Variants in NBEA observed in about 807,000 individuals in gnomAD.
NBEA encodes the protein lysosomal-trafficking regulator 2.
NBEA carries 44 observed loss-of-function variants against 343.4 expected under a neutral mutation model. The observed-to-expected ratio is 0.13, with a 90% confidence interval of 0.10 to 0.16. The LOEUF (loss-of-function observed/expected upper bound fraction) is 0.16, where lower values mean the gene tolerates loss of function less well. Among genes scored for constraint, NBEA ranks in the 10% least tolerant of loss-of-function variants. The probability of loss-of-function intolerance (pLI) is 1.00; values close to 1 mark genes in which losing one functional copy is unlikely to be tolerated. For missense variants in NBEA, 2,555 were observed against 3,631.3 expected (o/e 0.70, Z 7.62); for synonymous variants, 1,175 against 1,238.7 (o/e 0.95, Z 1.08).
chr13:35,232,719 G>A (rs773870361), intron 34 of NBEA, 100 bp downstream of exon 34: 84 of 908,148 alleles, frequency 9.2e-5, no homozygotes, highest in Non-Finnish European at 1.2e-4. Flanking sequence ...CCAAAAGAAT[G>A]TAAAGGCATT....
chr13:35,412,687 TC>T (rs1295570152), intron 38 of NBEA, among the ~76,000 whole-genome samples: 9 of 152,128 alleles, frequency 5.9e-5, no homozygotes, highest in Admixed American at 5.9e-4. Flanking sequence ...TCACTGTTTA[TC>T]CAGAGTATTT....
chr13:35,423,775 C>T (rs528211104), intron 38 of NBEA, among the ~76,000 whole-genome samples: 5 of 152,032 alleles, frequency 3.3e-5, no homozygotes, highest in Non-Finnish European at 7.4e-5. Context: ...GTTCTTCCTA[C>T]CCATGAGCAT....
chr13:35,390,569 A>G (rs1395317319), intron 38 of NBEA, among the ~76,000 whole-genome samples: 1 of 152,172 alleles, frequency 6.6e-6, no homozygotes, highest in Admixed American at 6.5e-5. Flanking sequence ...TAGAAGACTC[A>G]AGTTCATCCA....
At chr13:35,142,234 T>C (rs2068132681) in intron 17 of NBEA, 35 bp from the exon 18 acceptor site, 1 of 1,385,984 alleles carries the variant, frequency 7.2e-7, no homozygotes, top group African/African-American at 1.4e-5. Context: ...ATCCAATGTG[T>C]TTCATGGTGT....
intron 47 of NBEA, 70 bp from the exon 48 acceptor site, chr13:35,606,356 A>G (rs2082280538): frequency 1.2e-6 from 1 of 821,398 alleles, no homozygotes; most frequent in African/African-American, 1.8e-5. Context: ...TTAATAAGTT[A>G]TAAGTTAATA....
chr13:34,995,459 C>T (rs2060907456), intron 1 of NBEA, among the ~76,000 whole-genome samples: 1 of 151,520 alleles, frequency 6.6e-6, no homozygotes, highest in Non-Finnish European at 1.5e-5. Flanking sequence ...GCATGTTTAA[C>T]TTTATCAGAG....
At chr13:35,290,726 A>G (rs531054763) in intron 35 of NBEA, among the ~76,000 whole-genome samples, 1 of 151,056 alleles carries the variant, frequency 6.6e-6, no homozygotes, top group Admixed American at 6.6e-5. Context: ...TATCATATAT[A>G]TGTATATAAA....
intron 43 of NBEA, among the ~76,000 whole-genome samples, chr13:35,554,608 A>T (rs2153016522): frequency 6.6e-6 from 1 of 152,374 alleles, no homozygotes; most frequent in East Asian, 1.9e-4. Context: ...AAATGCATGT[A>T]AACAGGTACC....
chr13:35,646,031 A>G (rs1224021693), intron 50 of NBEA, 100 bp downstream of exon 50: 2 of 810,432 alleles, frequency 2.5e-6, no homozygotes. Flanking sequence ...AGCTTCTGGG[A>G]ATAAGAATAG....
chr13:35,286,300 C>A (rs1304700966), intron 34 of NBEA, among the ~76,000 whole-genome samples: 1 of 152,046 alleles, frequency 6.6e-6, no homozygotes, highest in Admixed American at 6.6e-5. Flanking sequence ...TTTTTCTCTA[C>A]AGTTGATAGT....
At chr13:35,016,745 G>A (rs1489492307) in intron 1 of NBEA, among the ~76,000 whole-genome samples, 2 of 152,178 alleles carry the variant, frequency 1.3e-5, no homozygotes, top group Admixed American at 1.3e-4. Context: ...TTTAGGTAGT[G>A]TAGTCAGTGA....
intron 34 of NBEA, among the ~76,000 whole-genome samples, chr13:35,265,164 A>G (rs1479905797): frequency 6.6e-6 from 1 of 151,920 alleles, no homozygotes; most frequent in Non-Finnish European, 1.5e-5. Flanking sequence ...TAAAATGCTT[A>G]GGAATGTGTT....
At chr13:35,220,982 G>T (rs1440169584) in intron 33 of NBEA, among the ~76,000 whole-genome samples, 1 of 151,794 alleles carries the variant, frequency 6.6e-6, no homozygotes, top group Non-Finnish European at 1.5e-5. Context: ...CTTTAGCTGT[G>T]TCCAGTCTTC....
At chr13:35,582,319 A>T (rs1027581540) in intron 45 of NBEA, among the ~76,000 whole-genome samples, 2 of 152,106 alleles carry the variant, frequency 1.3e-5, no homozygotes, top group Non-Finnish European at 2.9e-5. Flanking sequence ...ATAAAAAAAT[A>T]AAAAACTCAT....
At chr13:35,183,364 G>T (rs957407935) in intron 29 of NBEA, among the ~76,000 whole-genome samples, 1 of 151,896 alleles carries the variant, frequency 6.6e-6, no homozygotes, top group African/African-American at 2.4e-5. Flanking sequence ...CTAAATAAAT[G>T]CATATGATTT....
chr13:35,604,868 T>A (rs1211076588), intron 47 of NBEA, among the ~76,000 whole-genome samples: 1 of 152,110 alleles, frequency 6.6e-6, no homozygotes, highest in East Asian at 1.9e-4. Context: ...CCATCTCCAA[T>A]GAAGTCTCTC....
At chr13:35,490,366 C>G (rs2076457652) in intron 41 of NBEA, among the ~76,000 whole-genome samples, 1 of 151,866 alleles carries the variant, frequency 6.6e-6, no homozygotes, top group East Asian at 1.9e-4. Flanking sequence ...CCCTTAAGGG[C>G]AAGTACCACT....
At position 35,413,556 on chromosome 13, in the gene NBEA, T is replaced by C. The variant is rs1444558876; in HGVS notation, c.6180-18713T>C. Among the ~76,000 whole-genome samples the C allele has an allele frequency of 6.8e-4, 103 of 152,090 alleles. 1 individual carries two copies. Among genetic ancestry groups the C allele is most frequent in the Non-Finnish European group, 1.9e-4 (13 of 68,002 alleles). On this transcript the variant is annotated intron_variant, in intron 38 of 58. Coordinates refer to ENST00000379939, the MANE Select transcript of NBEA (RefSeq NM_001385012.1). ...GCTTTAAGGAAAATCAAGTACATGCTCATAAGCTGAAAATGCAATTATCAA... is the reference window on the plus strand; with the variant it reads ...GCTTTAAGGAAAATCAAGTACATGCCCATAAGCTGAAAATGCAATTATCAA...
intron 36 of NBEA, among the ~76,000 whole-genome samples, chr13:35,335,318 A>C (rs2039184141): frequency 6.6e-6 from 1 of 152,154 alleles, no homozygotes; most frequent in South Asian, 2.1e-4. Context: ...AGCTTTGGCT[A>C]TTCTGGGTCT....
Sources: allele counts gnomAD v4.1 joint callset (sites outside exome capture counted in the v4.1 genomes callset), GRCh38; gene constraint gnomAD v4.1.1; transcripts MANE v1.5; gene names NCBI Gene and HGNC (gene_info 2026-07-23, HGNC 2026-07-21).